C2orf49: variants seen among roughly 807,000 people sequenced by gnomAD.
The protein encoded by C2orf49 is tRNA-splicing ligase complex subunit ASW.
In C2orf49, 11 loss-of-function variants were observed where a neutral mutation model predicts 20.6. The ratio of observed to expected loss-of-function variants is 0.53; its 90% CI spans 0.34 to 0.88. The LOEUF (loss-of-function observed/expected upper bound fraction) is 0.88, where lower values mean the gene tolerates loss of function less well. Among genes scored for constraint, C2orf49 ranks in the 40% least tolerant of loss-of-function variants. The probability of loss-of-function intolerance (pLI) is 0.02; values close to 1 mark genes in which losing one functional copy is unlikely to be tolerated. For missense variants in C2orf49, 289 were observed against 274.2 expected (o/e 1.05, Z -0.38); for synonymous variants, 134 against 108.5 (o/e 1.24, Z -1.46).
chr2:105,377,050 C>T, the C2orf49 span, among the ~76,000 whole-genome samples: 1 of 152,184 alleles, frequency 6.6e-6, no homozygotes, highest in African/African-American at 2.4e-5. Flanking sequence ...TGTTCTGTAA[C>T]CCATTCATGC....
chr2:105,385,391 A>T, the C2orf49 span, among the ~76,000 whole-genome samples: 288 of 152,350 alleles, frequency 1.9e-3, 2 homozygotes, highest in African/African-American at 6.6e-3. Flanking sequence ...GCATGGCCTA[A>T]GTCAATCAGT....
At chr2:105,370,088 A>G in the C2orf49 span, among the ~76,000 whole-genome samples, 1 of 152,180 alleles carries the variant, frequency 6.6e-6, no homozygotes, top group Admixed American at 6.5e-5. Flanking sequence ...AAATAGTCAA[A>G]TGAGGCTGGC....
intron 2 of C2orf49, among the ~76,000 whole-genome samples, chr2:105,341,283 A>T (rs1347854209): frequency 1.3e-5 from 2 of 152,234 alleles, no homozygotes; most frequent in African/African-American, 4.8e-5. Context: ...ATCTTTGTAC[A>T]ACTGTCTTGA....
downstream of C2orf49, among the ~76,000 whole-genome samples, chr2:105,351,319 C>G (rs1409080706): frequency 4.1e-5 from 5 of 120,664 alleles, 1 homozygote; most frequent in Non-Finnish European, 9.5e-5. Flanking sequence ...CCGCGCCCCC[C>G]CCCCCCCAAA....
the C2orf49 span, chr2:105,363,248 C>A: frequency 1.9e-6 from 3 of 1,606,902 alleles, no homozygotes; most frequent in African/African-American, 1.3e-5. Context: ...TTCAAGCTTC[C>A]AATCGCCCCT....
chr2:105,371,318 G>C, the C2orf49 span, among the ~76,000 whole-genome samples: 6 of 152,156 alleles, frequency 3.9e-5, no homozygotes, highest in East Asian at 9.6e-4. Context: ...TCATCTAATC[G>C]GTAGTGGGCC....
the C2orf49 span, chr2:105,360,037 G>T: frequency 6.6e-6 from 1 of 152,386 alleles, no homozygotes; most frequent in Non-Finnish European, 1.5e-5. Flanking sequence ...GGGTGCGGTG[G>T]CTCATGCCTA....
the C2orf49 span, among the ~76,000 whole-genome samples, chr2:105,356,121 G>C: frequency 6.6e-6 from 1 of 152,066 alleles, no homozygotes; most frequent in Non-Finnish European, 1.5e-5. Flanking sequence ...CAGGTGTTGT[G>C]GCTCACACCT....
chr2:105,339,698 A>G lies in C2orf49; in HGVS notation c.215A>G (p.Lys72Arg), dbSNP rs1679614348. The change falls in exon 2 of 4, where the codon AAA becomes AGA. Residue 72 changes from lysine (K) to arginine (R), a missense_variant. By Grantham distance (26) the Lys-to-Arg change is conservative (BLOSUM62 2). Coordinates refer to ENST00000258457, the MANE Select transcript of C2orf49 (RefSeq NM_024093.3). ...QRDLPKNRWG[K>R]MMEKKREQHE... ...GATTTGCCGAAGAATAGATGGGGGA[A>G]AATGATGGAAAAGAAAAGAGAACAA... The G allele has an allele frequency of 6.2e-7, 1 of 1,607,046 alleles. No homozygotes were observed. Among genetic ancestry groups the G allele is most frequent in the Non-Finnish European group, 8.5e-7 (1 of 1,178,668 alleles).
the C2orf49 span, among the ~76,000 whole-genome samples, chr2:105,369,022 G>A: frequency 6.6e-6 from 1 of 152,110 alleles, no homozygotes; most frequent in East Asian, 1.9e-4. Context: ...GCAGCTGTGT[G>A]CAGTTGTGCA....
rs765944491 is a variant in C2orf49 at position 105,345,373 on chromosome 2, G to A, written c.*2G>A. On this transcript the variant is annotated 3_prime_UTR_variant, in exon 4 of 4. Transcript: ENST00000258457. ...ATACAACATGTTACTTGGCCCTGAA[G>A]AAAAGTTTCCAAAAATGTAAATATA... 6.2e-7 allele frequency: 1 copy of A among 1,611,088 alleles called. No individual in the cohort carries two copies. Among genetic ancestry groups the A allele is most frequent in the Non-Finnish European group, 8.5e-7 (1 of 1,178,716 alleles).
downstream of C2orf49, among the ~76,000 whole-genome samples, chr2:105,350,468 C>A (rs79067247): frequency 8.0e-3 from 1,225 of 152,324 alleles, 17 homozygotes; most frequent in African/African-American, 0.028. Context: ...CTTAACCAAG[C>A]ATTCAGTTTA....
chr2:105,348,535 T>C lies in C2orf49; in HGVS notation c.*3164T>C, dbSNP rs1207965181. 6.8e-6 allele frequency: 1 copy of C among 146,650 alleles called. No individual in the cohort carries two copies. The highest frequency in any genetic ancestry group is 2.5e-5 in the African/African-American group (1 of 40,470). The allele number at this position is 146,650 out of a possible 1,614,324, so 9.1% of individuals were successfully genotyped here. A position where few individuals can be genotyped will look rare whatever the true frequency, so the allele number is the denominator to read the frequency against. ...CTGCCAGTAGATTAAATCATATATA[T>C]ATATATATATATATATATATATGTA... On this transcript the variant is annotated 3_prime_UTR_variant, in exon 4 of 4. Transcript: ENST00000258457.
At chr2:105,365,293 T>G in the C2orf49 span, among the ~76,000 whole-genome samples, 1 of 152,124 alleles carries the variant, frequency 6.6e-6, no homozygotes, top group East Asian at 1.9e-4. Context: ...TACAGTTAAG[T>G]GTCTGCATCT....
chr2:105,357,785 A>G, the C2orf49 span: 1 of 152,136 alleles, frequency 6.6e-6, no homozygotes, highest in Non-Finnish European at 1.5e-5. Flanking sequence ...ATGGAGGAAC[A>G]ACTGTAATTG....
At chr2:105,381,718 G>A in the C2orf49 span, among the ~76,000 whole-genome samples, 28 of 152,066 alleles carry the variant, frequency 1.8e-4, no homozygotes, top group Admixed American at 1.2e-3. Flanking sequence ...AAATAAATAC[G>A]CGTTTTCAGT....
At position 105,348,826 on chromosome 2, in the gene C2orf49, T is replaced by G. The variant is rs978877560; in HGVS notation, c.*3455T>G. 1 of 152,180 alleles carries G rather than the reference T, an allele frequency of 6.6e-6. No homozygotes were observed. The highest frequency in any genetic ancestry group is 1.5e-5 in the Non-Finnish European group (1 of 68,024). The allele number at this position is 152,180 out of a possible 1,614,324, so 9.4% of individuals were successfully genotyped here. ...ATGCTCTGTAATGACTTGATCTGTT[T>G]TTATTTGAGTGAACAATTTTGGAAA... is the stretch of plus-strand genomic sequence containing the variant. On this transcript the variant is annotated 3_prime_UTR_variant, in exon 4 of 4. Coordinates refer to ENST00000258457, the MANE Select transcript of C2orf49 (RefSeq NM_024093.3).
chr2:105,351,470 C>T (rs556030785), downstream of C2orf49, among the ~76,000 whole-genome samples: 64 of 152,210 alleles, frequency 4.2e-4, 1 homozygote, highest in African/African-American at 1.4e-3. Context: ...TATTCTCTAC[C>T]ATTAATTTTA....
rs1180627459 is a variant in C2orf49 at position 105,343,200 on chromosome 2, C to T, written c.619C>T (p.Pro207Ser). The part of the protein sequence containing the change: ...TTPVKLKRAA[P>S]KEEAEAMNNL... ...TCCAGTGAAGTTAAAGAGAGCTGCT[C>T]CTAAAGAAGAGGCAGAGGCCATGGT... Residue 207 changes from proline (P) to serine (S), a missense_variant, in exon 3 of 4, where the codon CCT becomes TCT. Transcript: ENST00000258457. The T allele has an allele frequency of 5.6e-6, 9 of 1,601,168 alleles. No individual in the cohort carries two copies. The South Asian group carries it at 8.9e-5, about 16-fold the overall frequency.
Sources: gnomAD v4.1 joint callset for allele counts (sites outside exome capture counted in the v4.1 genomes callset) on GRCh38, gnomAD v4.1.1 for gene constraint, MANE v1.5 for transcripts, NCBI Gene and HGNC (gene_info 2026-07-23, HGNC 2026-07-21) for gene names.